MAP7D2: variants seen among roughly 807,000 people sequenced by gnomAD.
MAP7D2 encodes the protein MAP7 domain containing 2.
Under a neutral mutation model 63.5 loss-of-function variants are expected in MAP7D2, and 33 were observed. The observed-to-expected ratio is 0.52, with a 90% CI of 0.39 to 0.70. The LOEUF (loss-of-function observed/expected upper bound fraction) is 0.70, where lower values mean the gene tolerates loss of function less well. MAP7D2 is among the 30% of genes least tolerant of loss of function. The probability of loss-of-function intolerance (pLI) is 0.00; values close to 1 mark genes in which losing one functional copy is unlikely to be tolerated. For synonymous variants in MAP7D2, 224 were observed against 223.7 expected, an observed-to-expected ratio of 1.00 and a Z score of -0.01; for missense variants, 626 against 604.0, an observed-to-expected ratio of 1.04 and a Z score of -0.38.
chrX:20,081,728 C>T (rs1401667221), intron 1 of MAP7D2, among the ~76,000 whole-genome samples: 3 of 109,434 alleles, frequency 2.7e-5, no homozygotes, highest in Non-Finnish European at 5.7e-5. Context: ...TCCTAGCTCA[C>T]TGTAACCTCT....
chrX:20,032,830 A>G (rs1414305777), intron 8 of MAP7D2, among the ~76,000 whole-genome samples: 1 of 112,197 alleles, frequency 8.9e-6, no homozygotes, highest in Non-Finnish European at 1.9e-5. Context: ...GGCTGTGCCA[A>G]TTGAGAGCAT....
intron 8 of MAP7D2, among the ~76,000 whole-genome samples, chrX:20,032,783 C>T (rs1350379700): frequency 2.7e-5 from 3 of 111,662 alleles, no homozygotes; most frequent in Admixed American, 9.5e-5. Flanking sequence ...TAGGTTGGCC[C>T]GACTGCTTTG....
intron 10 of MAP7D2, among the ~76,000 whole-genome samples, chrX:20,018,241 T>C (rs1265852385): frequency 9.2e-6 from 1 of 108,935 alleles, no homozygotes; most frequent in Non-Finnish European, 1.9e-5. Flanking sequence ...GCTAGGATTA[T>C]AGGCATGAGC....
rs2073046073 is a variant in MAP7D2, at chrX:20,007,534, T to C, written c.*891A>G. On this transcript the variant is annotated 3_prime_UTR_variant, in exon 17 of 17. Transcript: ENST00000379643. The stretch of plus-strand genomic sequence containing the variant: ...GGTTTTTGTTTGCGCCTGGTTTTAT[T>C]AAAGCTGGGCAAACACAGGAGCAAA... 9.0e-6 allele frequency: 1 copy of C among 111,303 alleles called. No homozygotes were observed. The highest frequency in any genetic ancestry group is 3.3e-5 in the African/African-American group (1 of 30,433). 9.2% of individuals were successfully genotyped at this position (111,303 alleles called of 1,213,427 possible).
chrX:20,040,345 A>G (rs748565941), intron 8 of MAP7D2, among the ~76,000 whole-genome samples: 1 of 112,069 alleles, frequency 8.9e-6, no homozygotes, highest in South Asian at 3.8e-4. Context: ...GAGAACCCTG[A>G]CTAACACAGG....
At chrX:20,102,542 G>T (rs989466692) in intron 1 of MAP7D2, among the ~76,000 whole-genome samples, 19 of 111,230 alleles carry the variant, frequency 1.7e-4, no homozygotes, top group African/African-American at 6.2e-4. Flanking sequence ...CAGCAGTTTA[G>T]AATATACTCT....
At chrX:20,077,820 C>T (rs1161908959) in intron 1 of MAP7D2, among the ~76,000 whole-genome samples, 1 of 111,992 alleles carries the variant, frequency 8.9e-6, no homozygotes, top group East Asian at 2.8e-4. Flanking sequence ...AAAAATTATA[C>T]TAGAAACATG....
chrX:20,013,544 T>C (rs1274140790), intron 13 of MAP7D2, 25 bp downstream of exon 13: 1 of 1,157,653 alleles, frequency 8.6e-7, no homozygotes. Context: ...ACATAAACTA[T>C]TAAAATGGTC....
chrX:20,075,019 C>T lies in MAP7D2; in HGVS notation c.131-10214G>A, dbSNP rs746699010. ...AGTGAGCCAAGATCGTGCCACTGCACTCTAGCCTGGGTGACAGAATGAGAC... is the reference window on the plus strand; with the variant it reads ...AGTGAGCCAAGATCGTGCCACTGCATTCTAGCCTGGGTGACAGAATGAGAC... On this transcript the variant is annotated intron_variant, in intron 1 of 16. Transcript: ENST00000379643. 6.8e-4 allele frequency among the ~76,000 whole-genome samples: 76 copies of T among 112,083 alleles called. No individual in the cohort carries two copies. In the Middle Eastern group the frequency reaches 0.018, roughly 27 times the overall value.
chrX:20,065,551 G>C lies in MAP7D2; in HGVS notation c.131-746C>G, dbSNP rs1022636126. On this transcript the variant is annotated intron_variant, in intron 1 of 16. Transcript: ENST00000379643. ...CAAAGTGCTGGGATTACAGGTGTGA[G>C]CCACCATGCCCGGCCTACTTTCTGA... is the stretch of plus-strand genomic sequence containing the variant. Among the ~76,000 whole-genome samples, 99 of 111,269 alleles carry C rather than the reference G, an allele frequency of 8.9e-4. 2 individuals carry two copies. The highest frequency in any genetic ancestry group is 3.0e-4 in the Non-Finnish European group (16 of 53,006).
At chrX:20,115,295 T>G (rs1203402773) in intron 1 of MAP7D2, among the ~76,000 whole-genome samples, 2 of 97,059 alleles carry the variant, frequency 2.1e-5, no homozygotes, top group East Asian at 6.5e-4. Flanking sequence ...CAAGATACAC[T>G]GAAAACCCAA....
chrX:20,033,375 T>C lies in MAP7D2; in HGVS notation c.1008-7423A>G, dbSNP rs1441259234. On this transcript the variant is annotated intron_variant, in intron 8 of 16. Transcript: ENST00000379643. ...TGAAGACCTGGAAGTACAGGCAGCA[T>C]CAACACTCAAGAGGTAGAGATGGGC... Among the ~76,000 whole-genome samples, 17 of 111,864 alleles carry C rather than the reference T, an allele frequency of 1.5e-4. No homozygotes were observed. The Admixed American group carries it at 1.6e-3, about 11-fold the overall frequency.
chrX:20,015,257 A>G lies in MAP7D2; in HGVS notation c.1715T>C (p.Leu572Pro). The G allele has an allele frequency of 8.3e-7, 1 of 1,211,036 alleles. No individual in the cohort carries two copies. The highest frequency in any genetic ancestry group is 1.1e-6 in the Non-Finnish European group (1 of 895,059). The part of the protein sequence containing the change: ...QMRLEREQIM[L>P]QIEQERLERK... ...CTCCAGTCTCTCCTGCTCAATCTGC[A>G]GCATAATCTGTTCTCTCTCGAGACG... Residue 572 changes from leucine (L) to proline (P), a missense_variant, in exon 12 of 17, where the codon CTG becomes CCG. Coordinates refer to ENST00000379643, the MANE Select transcript of MAP7D2 (RefSeq NM_001168465.2).
In MAP7D2 at chrX:20,012,437, C is replaced by A. The variant is rs368481456; in HGVS notation, c.1984G>T (p.Ala662Ser). ...QDIFSNGLKP[A>S]GGLIHLDALD... The stretch of plus-strand genomic sequence containing the variant: ...GCATCCAGATGAATGAGTCCCCCAG[C>A]TGGCTTAAGCCCATTAGAGAAAATG... Residue 662 changes from alanine (A) to serine (S), a missense_variant, in exon 15 of 17, where the codon GCT becomes TCT. By Grantham distance (99) the Ala-to-Ser change is moderately conservative (BLOSUM62 1). Coordinates refer to ENST00000379643, the MANE Select transcript of MAP7D2 (RefSeq NM_001168465.2). 1 of 1,207,807 alleles carries A rather than the reference C, an allele frequency of 8.3e-7. No individual in the cohort carries two copies. The highest frequency in any genetic ancestry group is 1.1e-6 in the Non-Finnish European group (1 of 893,611).
intron 1 of MAP7D2, among the ~76,000 whole-genome samples, chrX:20,074,406 A>G (rs1188194589): frequency 8.9e-6 from 1 of 112,154 alleles, no homozygotes; most frequent in African/African-American, 3.2e-5. Flanking sequence ...GAACTTTTCA[A>G]TCTTGCAAGT....
In MAP7D2 at chrX:20,081,479, T is replaced by C. The variant is rs1484368497; in HGVS notation, c.131-16674A>G. Among the ~76,000 whole-genome samples the C allele has an allele frequency of 8.1e-5, 9 of 111,347 alleles. 1 individual carries two copies. The highest frequency in any genetic ancestry group is 1.5e-4 in the Non-Finnish European group (8 of 53,093). Reference sequence around the variant, plus strand: ...AGCTCTTTGTCTCAAGCTGATTATATTGTCCTCATTCCTTGTTTCTGTTTC... The same window carrying C: ...AGCTCTTTGTCTCAAGCTGATTATACTGTCCTCATTCCTTGTTTCTGTTTC... On this transcript the variant is annotated intron_variant, in intron 1 of 16. Coordinates refer to ENST00000379643, the MANE Select transcript of MAP7D2 (RefSeq NM_001168465.2).
At chrX:20,109,224 A>C (rs1437738947) in intron 1 of MAP7D2, among the ~76,000 whole-genome samples, 10 of 109,778 alleles carry the variant, frequency 9.1e-5, no homozygotes, top group Non-Finnish European at 3.8e-5. Flanking sequence ...CGGGGGGTTA[A>C]AAATTCTCAG....
chrX:20,034,422 C>T (rs1213032114), intron 8 of MAP7D2, among the ~76,000 whole-genome samples: 1 of 109,765 alleles, frequency 9.1e-6, no homozygotes, highest in African/African-American at 3.3e-5. Flanking sequence ...CCCTTGCCCC[C>T]CAGCTTCTCC....
intron 1 of MAP7D2, among the ~76,000 whole-genome samples, chrX:20,108,919 A>T (rs1212481893): frequency 1.8e-5 from 2 of 110,230 alleles, no homozygotes; most frequent in Admixed American, 9.8e-5. Context: ...CTTAACAATA[A>T]TTGTGGGCAC....
Sources: gnomAD v4.1 joint callset for allele counts (sites outside exome capture counted in the v4.1 genomes callset) on GRCh38, gnomAD v4.1.1 for gene constraint, MANE v1.5 for transcripts, NCBI Gene and HGNC (gene_info 2026-07-23, HGNC 2026-07-21) for gene names.